The following STK32B variants were observed in gnomAD, a reference collection of about 807,000 sequenced individuals.
STK32B encodes serine/threonine-protein kinase 32B.
A neutral mutation model predicts 52.6 loss-of-function variants in STK32B; 43 were observed. The observed-to-expected ratio is 0.82, with a 90% CI of 0.64 to 1.05. The LOEUF (loss-of-function observed/expected upper bound fraction) is 1.05. Among genes scored for constraint, STK32B ranks in the 50% least tolerant of loss-of-function variants. The pLI is 0.00. For missense variants in STK32B, 621 were observed against 534.6 expected (o/e 1.16, Z -1.59); for synonymous variants, 238 against 204.3 (o/e 1.17, Z -1.41).
intron 1 of STK32B, among the ~76,000 whole-genome samples, chr4:5,088,593 A>T (rs757480448): frequency 6.6e-6 from 1 of 152,048 alleles, no homozygotes; most frequent in Non-Finnish European, 1.5e-5. Context: ...CATACATTTT[A>T]AAATAACTAA....
At chr4:5,099,755 A>G (rs1422543909) in intron 1 of STK32B, among the ~76,000 whole-genome samples, 1 of 152,028 alleles carries the variant, frequency 6.6e-6, no homozygotes, top group African/African-American at 2.4e-5. Context: ...ATGTGGTGAT[A>G]CCCAGCTCGG....
intron 6 of STK32B, among the ~76,000 whole-genome samples, chr4:5,444,430 A>G (rs922232406): frequency 2.0e-5 from 3 of 152,206 alleles, no homozygotes; most frequent in Non-Finnish European, 4.4e-5. Context: ...TGCGCTTCCC[A>G]AGTGAGGCAA....
rs1719876647 is a variant in STK32B at position 5,176,225 on chromosome 4, A to C, written c.260+7775A>C. The stretch of plus-strand genomic sequence containing the variant: ...ACCCCTTTCTTTGTCTGGGAAAGGG[A>C]ATTCTCTGACCCGTTGCACTTCCCA... On this transcript the variant is annotated intron_variant, in intron 3 of 11. Transcript: ENST00000282908. Among the ~76,000 whole-genome samples the C allele has an allele frequency of 2.0e-5, 3 of 152,124 alleles. No individual in the cohort carries two copies. The South Asian group carries it at 6.2e-4, about 32-fold the overall frequency.
chr4:5,370,982 A>ATGTGTGTGTG (rs1337439381), intron 4 of STK32B, among the ~76,000 whole-genome samples: 20 of 109,352 alleles, frequency 1.8e-4, no homozygotes, highest in African/African-American at 8.2e-4. Flanking sequence ...AAATATATAT[A>ATGTGTGTGTG]TATGTGTGTG....
the STK32B span, among the ~76,000 whole-genome samples, chr4:5,025,995 T>G: frequency 6.6e-6 from 1 of 152,294 alleles, no homozygotes; most frequent in East Asian, 1.9e-4. Flanking sequence ...ACACCTCTCT[T>G]AAGCCGCCTC....
intron 1 of STK32B, among the ~76,000 whole-genome samples, chr4:5,100,971 T>C (rs1324648429): frequency 6.6e-6 from 1 of 152,034 alleles, no homozygotes; most frequent in Non-Finnish European, 1.5e-5. Context: ...CAATCATAGC[T>C]CACTGCAGCC....
chr4:5,479,311 G>T (rs1345617932), intron 11 of STK32B, among the ~76,000 whole-genome samples: 1 of 151,778 alleles, frequency 6.6e-6, no homozygotes, highest in Non-Finnish European at 1.5e-5. Context: ...TAGAGGCAGG[G>T]TTTCACCATG....
chr4:5,457,197 TG>T (rs149743720), intron 8 of STK32B, among the ~76,000 whole-genome samples: 2,886 of 142,910 alleles, frequency 0.02, 124 homozygotes, highest in African/African-American at 0.07. Context: ...ATAATGCATG[TG>T]GGGTTTTTTT....
intron 1 of STK32B, among the ~76,000 whole-genome samples, chr4:5,133,908 G>A (rs543577521): frequency 7.2e-5 from 11 of 152,304 alleles, no homozygotes; most frequent in African/African-American, 2.4e-4. Flanking sequence ...AGGCTTGGAA[G>A]TTAACTTACG....
At chr4:5,493,654 C>T (rs1719943002) in intron 11 of STK32B, among the ~76,000 whole-genome samples, 1 of 152,110 alleles carries the variant, frequency 6.6e-6, no homozygotes, top group Non-Finnish European at 1.5e-5. Context: ...TTCTCTAGTT[C>T]TTTTAATGGT....
At chr4:5,206,327 G>A (rs1288817100) in intron 3 of STK32B, among the ~76,000 whole-genome samples, 2 of 152,166 alleles carry the variant, frequency 1.3e-5, no homozygotes, top group Non-Finnish European at 2.9e-5. Flanking sequence ...GCTTCCATGG[G>A]AGGGTATTTG....
chr4:5,335,166 A>T lies in STK32B; in HGVS notation c.434+3773A>T, dbSNP rs1008388048. On this transcript the variant is annotated intron_variant, in intron 4 of 11. Transcript: ENST00000282908. ...GCCACAATTTCAGATCCTGTTATTG[A>T]TCTATTCAGAGATTCATCTTCTTCC... 2.6e-5 allele frequency among the ~76,000 whole-genome samples: 4 copies of T among 151,786 alleles called. No homozygotes were observed. In the South Asian group the frequency reaches 8.3e-4, roughly 32 times the overall value.
intron 3 of STK32B, among the ~76,000 whole-genome samples, chr4:5,229,222 G>T (rs568538023): frequency 0.013 from 2,000 of 148,300 alleles, 37 homozygotes; most frequent in African/African-American, 0.046. Context: ...TCTATATTTA[G>T]TTTTTTTTTT....
intron 2 of STK32B, among the ~76,000 whole-genome samples, chr4:5,156,459 C>A (rs967831364): frequency 2.6e-5 from 4 of 152,146 alleles, no homozygotes; most frequent in African/African-American, 9.7e-5. Context: ...TTCCACTCAC[C>A]CTCGTCCAGC....
intron 3 of STK32B, among the ~76,000 whole-genome samples, chr4:5,300,812 T>A (rs1026156020): frequency 6.6e-6 from 1 of 152,086 alleles, no homozygotes; most frequent in Admixed American, 6.6e-5. Flanking sequence ...TGGAAAAACA[T>A]TACATGCTCA....
chr4:5,288,358 A>T (rs1728679933), intron 3 of STK32B, among the ~76,000 whole-genome samples: 1 of 152,180 alleles, frequency 6.6e-6, no homozygotes, highest in Admixed American at 6.5e-5. Flanking sequence ...TTGCAGTCCC[A>T]TCAGCGATGC....
At chr4:5,055,759 C>G (rs1741979984) in intron 1 of STK32B, among the ~76,000 whole-genome samples, 1 of 152,136 alleles carries the variant, frequency 6.6e-6, no homozygotes, top group African/African-American at 2.4e-5. Flanking sequence ...CATCTCCCCC[C>G]CAGCCCACTC....
chr4:5,492,781 A>C (rs1357604998), intron 11 of STK32B, among the ~76,000 whole-genome samples: 2 of 151,416 alleles, frequency 1.3e-5, no homozygotes, highest in Non-Finnish European at 1.5e-5. Context: ...AGTTTTTAGC[A>C]TGAAGGGTTG....
chr4:5,155,075 C>T (rs1717698982), intron 2 of STK32B, among the ~76,000 whole-genome samples: 1 of 152,094 alleles, frequency 6.6e-6, no homozygotes, highest in Non-Finnish European at 1.5e-5. Context: ...CTTGACCACA[C>T]TGGAGTTATT....
Sources: allele counts gnomAD v4.1 joint callset (sites outside exome capture counted in the v4.1 genomes callset), GRCh38; gene constraint gnomAD v4.1.1; transcripts MANE v1.5; gene names NCBI Gene and HGNC (gene_info 2026-07-23, HGNC 2026-07-21).